ARHGEF18: variants seen among roughly 807,000 people sequenced by gnomAD.
ARHGEF18 encodes the protein rho guanine nucleotide exchange factor 18.
ARHGEF18 carries 93 observed loss-of-function variants against 155.7 expected under a neutral mutation model. The observed-to-expected ratio is 0.60, with a 90% CI of 0.50 to 0.71. The LOEUF is 0.71. Among genes scored for constraint, ARHGEF18 ranks in the 30% least tolerant of loss-of-function variants. ARHGEF18 has a pLI of 0.00. For synonymous variants in ARHGEF18, 742 were observed against 753.1 expected, an observed-to-expected ratio of 0.99 and a Z score of 0.24; for missense variants, 1,593 against 1,816.1, an observed-to-expected ratio of 0.88 and a Z score of 2.23.
chr19:7,436,666 C>T (rs1248190667), intron 10 of ARHGEF18, among the ~76,000 whole-genome samples: 1 of 152,166 alleles, frequency 6.6e-6, no homozygotes, highest in Admixed American at 6.6e-5. Flanking sequence ...AGTCCACAAG[C>T]AACCATCTGT....
rs565877391 is a variant in ARHGEF18, at chr19:7,362,264, GGAA to G, written c.-110-512_-110-510del. 4.0e-5 allele frequency among the ~76,000 whole-genome samples: 6 copies of G among 149,808 alleles called. 1 individual carries two copies. The highest frequency in any genetic ancestry group is 8.9e-5 in the Non-Finnish European group (6 of 67,596). ...CAAGAAGAGGAAGAGGAAGAAGAAA[GGAA>G]GAAGGAAGGAGAAGAAGAGGAGGAG... is the stretch of plus-strand genomic sequence containing the variant. On this transcript the variant is annotated intron_variant, in intron 1 of 28. Coordinates refer to ENST00000668164, the MANE Select transcript of ARHGEF18 (RefSeq NM_001367823.1).
At chr19:7,349,850 G>A (rs759765979) in intron 1 of ARHGEF18, among the ~76,000 whole-genome samples, 1 of 152,148 alleles carries the variant, frequency 6.6e-6, no homozygotes, top group Non-Finnish European at 1.5e-5. Flanking sequence ...TGGGGCAAAG[G>A]CTCAGGTGCC....
chr19:7,470,208 C>T lies in ARHGEF18; in HGVS notation c.3996C>T (p.Leu1332=). ...GFSLKAGGTA[L]LPGPPAPSPL... Reference sequence around the variant, plus strand: ...CTCTCAAGGCCGGGGGCACAGCCCTCCTGCCCGGGCCCCCAGCTCCCTCGC... The same window carrying T: ...CTCTCAAGGCCGGGGGCACAGCCCTTCTGCCCGGGCCCCCAGCTCCCTCGC... The change falls in exon 29 of 29, where the codon CTC becomes CTT. Residue 1332 remains leucine, a synonymous_variant. Transcript: ENST00000668164. This position sits in a 1 kb window ranked among gnomAD's most constrained non-coding sequence, Gnocchi z 5.9. 1 of 1,610,674 alleles carries T rather than the reference C, an allele frequency of 6.2e-7. No homozygotes were observed. The highest frequency in any genetic ancestry group is 8.5e-7 in the Non-Finnish European group (1 of 1,178,974).
chr19:7,447,012 T>G, intron 14 of ARHGEF18, 31 bp from the exon 15 acceptor site: 1 of 1,606,222 alleles, frequency 6.2e-7, no homozygotes, highest in South Asian at 1.1e-5. Context: ...TTTTCGTGTT[T>G]AATTAACATT....
chr19:7,381,071 A>AC lies in ARHGEF18; in HGVS notation c.722+83dup, dbSNP rs200005485. The AC allele has an allele frequency of 1.8e-3, 2,076 of 1,122,828 alleles. 35 individuals carry two copies. The African/African-American group carries it at 0.029, about 16-fold the overall frequency. 69.6% of individuals were successfully genotyped at this position (1,122,828 alleles called of 1,614,324 possible). On this transcript the variant is annotated intron_variant, in intron 8 of 28. Coordinates refer to ENST00000668164, the MANE Select transcript of ARHGEF18 (RefSeq NM_001367823.1). ...GTTTACAGATGGTCCTTTGGGCCAG[A>AC]CCCCCCATGCTGGGGGCAGGAGCTG... is the stretch of plus-strand genomic sequence containing the variant.
intron 8 of ARHGEF18, among the ~76,000 whole-genome samples, chr19:7,382,448 C>A (rs954388997): frequency 2.2e-5 from 3 of 134,064 alleles, no homozygotes; most frequent in African/African-American, 5.7e-5. Flanking sequence ...CAATTAGATA[C>A]CGGGTGGGGG....
At chr19:7,469,214 G>T in intron 27 of ARHGEF18, 83 bp downstream of exon 27, 1 of 1,430,988 alleles carries the variant, frequency 7.0e-7, no homozygotes, top group South Asian at 1.4e-5. Flanking sequence ...CAGGAAATTC[G>T]GGACACCTGT....
chr19:7,388,568 CTTTTAT>C (rs925661476), intron 10 of ARHGEF18, among the ~76,000 whole-genome samples: 15 of 151,980 alleles, frequency 9.9e-5, no homozygotes, highest in East Asian at 7.7e-4. Context: ...ATATGATGCC[CTTTTAT>C]TTTTATTTTT....
At chr19:7,411,438 A>T (rs1972682001) in intron 10 of ARHGEF18, among the ~76,000 whole-genome samples, 1 of 151,594 alleles carries the variant, frequency 6.6e-6, no homozygotes, top group African/African-American at 2.4e-5. Context: ...TCCCAAGTAG[A>T]TGGGATTACA....
intron 10 of ARHGEF18, among the ~76,000 whole-genome samples, chr19:7,437,639 CT>C (rs748609658): frequency 0.022 from 1,524 of 68,724 alleles, 24 homozygotes; most frequent in African/African-American, 0.087. Context: ...GATCAGATTT[CT>C]TTTTTTTTTC....
chr19:7,469,417 C>T (rs895069038), intron 27 of ARHGEF18, among the ~76,000 whole-genome samples: 1 of 152,164 alleles, frequency 6.6e-6, no homozygotes, highest in African/African-American at 2.4e-5. Context: ...GGCAGAGATC[C>T]CTGGCCACGT....
At chr19:7,416,906 T>TTTG (rs200922297) in intron 10 of ARHGEF18, among the ~76,000 whole-genome samples, 18 of 151,476 alleles carry the variant, frequency 1.2e-4, no homozygotes, top group African/African-American at 2.9e-4. Flanking sequence ...CCCGGCTGTT[T>TTTG]TTGTTGTTGT....
In ARHGEF18 at chr19:7,470,980, C is replaced by T. The variant is rs868560661; in HGVS notation, c.*682C>T. The T allele has an allele frequency of 5.0e-5, 20 of 398,846 alleles. No individual in the cohort carries two copies. The Middle Eastern group carries it at 1.3e-3, about 25-fold the overall frequency. 24.7% of individuals were successfully genotyped at this position (398,846 alleles called of 1,614,324 possible). A position where few individuals can be genotyped will look rare whatever the true frequency, so the allele number is the denominator to read the frequency against. On this transcript the variant is annotated 3_prime_UTR_variant, in exon 29 of 29. Transcript: ENST00000668164. This position sits in a 1 kb window ranked among gnomAD's most constrained non-coding sequence, Gnocchi z 5.9. The stretch of plus-strand genomic sequence containing the variant: ...AGGTTCTGTGGGTTTGGAAGCCCAT[C>T]GTGAAAGGGGCTGACCTTTGCCCCT...
chr19:7,443,658 G>T (rs1189012950), intron 13 of ARHGEF18, among the ~76,000 whole-genome samples: 1 of 152,194 alleles, frequency 6.6e-6, no homozygotes, highest in African/African-American at 2.4e-5. Context: ...GTTCATTGCA[G>T]TCTAGGTCTG....
In ARHGEF18 at chr19:7,456,481, C is replaced by A. The variant is rs1364452477; in HGVS notation, c.2181+78C>A. On this transcript the variant is annotated intron_variant, in intron 18 of 28. Coordinates refer to ENST00000668164, the MANE Select transcript of ARHGEF18 (RefSeq NM_001367823.1). ...TCTATAATCCCAGCACTTTGGGAGG[C>A]CGAGGTGGGCAGATCACTTGAGGTC... 9.0e-6 allele frequency: 12 copies of A among 1,326,942 alleles called. No individual in the cohort carries two copies. The East Asian group carries it at 2.6e-4, about 28-fold the overall frequency. The allele number at this position is 1,326,942 out of a possible 1,614,324, so 82.2% of individuals were successfully genotyped here.
At chr19:7,370,267 G>A (rs1038894918) in intron 2 of ARHGEF18, among the ~76,000 whole-genome samples, 7 of 152,058 alleles carry the variant, frequency 4.6e-5, no homozygotes, top group Non-Finnish European at 1.0e-4. Context: ...AGGCCAAAGC[G>A]GGTGGATCAC....
At chr19:7,475,210 C>T (rs1055060861), downstream of ARHGEF18, among the ~76,000 whole-genome samples, 3 of 152,100 alleles carry the variant, frequency 2.0e-5, no homozygotes, top group East Asian at 1.9e-4. Context: ...CCAGCCTAGG[C>T]GACAGAGTGA....
chr19:7,384,090 T>C (rs995224636), intron 10 of ARHGEF18, among the ~76,000 whole-genome samples: 4 of 152,100 alleles, frequency 2.6e-5, no homozygotes. Flanking sequence ...CGTGCGCCGT[T>C]TGTAACCGAA....
Position 7,380,919 on chromosome 19 carries a change from C to T in ARHGEF18, c.647C>T (p.Ala216Val), listed in dbSNP as rs1364391133. 1.6e-6 allele frequency: 2 copies of T among 1,231,894 alleles called. No individual in the cohort carries two copies. Among genetic ancestry groups the T allele is most frequent in the Non-Finnish European group, 2.0e-6 (2 of 987,954 alleles). The allele number at this position is 1,231,894 out of a possible 1,614,324, so 76.3% of individuals were successfully genotyped here. ...ATCTGTCCCCTCTGATCCTGCAGGGCCCGGCAGAGGGCTTGCATGTCAGCC... is the reference window on the plus strand; with the variant it reads ...ATCTGTCCCCTCTGATCCTGCAGGGTCCGGCAGAGGGCTTGCATGTCAGCC... ...VLQELRQYHG[A>V]RQRACMSASP... Residue 216 changes from alanine to valine, a missense_variant and splice_region_variant, in exon 8 of 29, where the codon GCC (alanine) becomes GTC (valine). Ala to Val is a moderately conservative substitution (Grantham distance 64). Coordinates refer to ENST00000668164, the MANE Select transcript of ARHGEF18 (RefSeq NM_001367823.1).
Sources: gnomAD v4.1 joint callset for allele counts (sites outside exome capture counted in the v4.1 genomes callset) on GRCh38, gnomAD v4.1.1 for gene constraint, Gnocchi (gnomAD v3.1) non-coding constraint, MANE v1.5 for transcripts, NCBI Gene and HGNC (gene_info 2026-07-23, HGNC 2026-07-21) for gene names.